CNTNAP2: variants seen among roughly 807,000 people sequenced by gnomAD.
The protein encoded by CNTNAP2 is contactin associated protein 2.
In CNTNAP2, 98 loss-of-function variants were observed where a neutral mutation model predicts 155.2. The observed-to-expected ratio is 0.63, with a 90% CI of 0.54 to 0.75. CNTNAP2 has a LOEUF of 0.75. Ranked by LOEUF, CNTNAP2 falls within the 30% of genes least tolerant of loss-of-function variation. CNTNAP2 has a pLI of 0.00. For synonymous variants in CNTNAP2, 651 were observed against 631.2 expected (o/e 1.03, Z -0.47); for missense variants, 1,727 against 1,688.1 (o/e 1.02, Z -0.40).
At chr7:148,336,017 C>T (rs1363718991) in intron 21 of CNTNAP2, among the ~76,000 whole-genome samples, 1 of 152,172 alleles carries the variant, frequency 6.6e-6, no homozygotes, top group Non-Finnish European at 1.5e-5. Context: ...TGTCTGTCTT[C>T]CTGCCCCAAT....
intron 8 of CNTNAP2, among the ~76,000 whole-genome samples, chr7:147,190,801 A>G (rs1802664556): frequency 6.6e-6 from 1 of 152,354 alleles, no homozygotes; most frequent in African/African-American, 2.4e-5. Flanking sequence ...TAGCCAGATT[A>G]AACTCACTGT....
intron 12 of CNTNAP2, among the ~76,000 whole-genome samples, chr7:147,581,052 G>A (rs1800490572): frequency 6.6e-6 from 1 of 152,166 alleles, no homozygotes; most frequent in Non-Finnish European, 1.5e-5. Context: ...CAATTCCACA[G>A]GAAGTAGGTG....
intron 8 of CNTNAP2, among the ~76,000 whole-genome samples, chr7:147,236,876 G>C (rs1197745336): frequency 6.6e-6 from 1 of 151,822 alleles, no homozygotes; most frequent in Non-Finnish European, 1.5e-5. Context: ...CTTCCACAAT[G>C]CTAAAGACTG....
intron 22 of CNTNAP2, among the ~76,000 whole-genome samples, chr7:148,392,877 A>AC (rs1415524888): frequency 6.7e-6 from 1 of 148,592 alleles, no homozygotes; most frequent in Non-Finnish European, 1.5e-5. Context: ...ACAACCCCAT[A>AC]CCCCCATTAG....
chr7:146,132,476 A>G (rs1324394312), intron 1 of CNTNAP2, among the ~76,000 whole-genome samples: 1 of 151,996 alleles, frequency 6.6e-6, no homozygotes, highest in Non-Finnish European at 1.5e-5. Flanking sequence ...CAGGTTAGTT[A>G]CATATGTATA....
intron 4 of CNTNAP2, among the ~76,000 whole-genome samples, chr7:147,102,082 T>C (rs2129277899): frequency 6.6e-6 from 1 of 152,126 alleles, no homozygotes; most frequent in African/African-American, 2.4e-5. Flanking sequence ...ACATGTGAGG[T>C]AATGGTAGGC....
chr7:147,793,548 T>C (rs1797851262), intron 13 of CNTNAP2, among the ~76,000 whole-genome samples: 1 of 152,120 alleles, frequency 6.6e-6, no homozygotes, highest in African/African-American at 2.4e-5. Context: ...TTTATGCCAA[T>C]ACCACACTGC....
chr7:148,132,778 G>A (rs1804859779), intron 16 of CNTNAP2, among the ~76,000 whole-genome samples: 2 of 152,166 alleles, frequency 1.3e-5, no homozygotes, highest in South Asian at 2.1e-4. Flanking sequence ...CCTCATTTTG[G>A]TGGGTTAGTA....
intron 19 of CNTNAP2, 48 bp downstream of exon 19, chr7:148,217,572 A>C (rs879843401): frequency 3.2e-6 from 5 of 1,562,554 alleles, no homozygotes; most frequent in Non-Finnish European, 4.4e-6. Flanking sequence ...TTGGGCAGAC[A>C]GAATGTTCTA....
At chr7:146,568,734 T>G (rs920402797) in intron 1 of CNTNAP2, among the ~76,000 whole-genome samples, 1 of 152,144 alleles carries the variant, frequency 6.6e-6, no homozygotes, top group Non-Finnish European at 1.5e-5. Context: ...AGTGTACTAC[T>G]TGGAAAAACT....
intron 10 of CNTNAP2, among the ~76,000 whole-genome samples, chr7:147,442,810 G>A (rs1305341461): frequency 1.3e-5 from 2 of 152,098 alleles, no homozygotes; most frequent in Non-Finnish European, 2.9e-5. Context: ...CTTGCAGGTA[G>A]GGCCTGGAAA....
intron 20 of CNTNAP2, among the ~76,000 whole-genome samples, chr7:148,233,561 A>T (rs538493952): frequency 8.5e-5 from 13 of 152,308 alleles, no homozygotes; most frequent in Admixed American, 2.6e-4. Context: ...TATTTTATTT[A>T]ATTCCATGGA....
Position 146,475,013 on chromosome 7 carries a change from G to GCACACA in CNTNAP2, c.98-299236_98-299231dup, listed in dbSNP as rs60787049. On this transcript the variant is annotated intron_variant, in intron 1 of 23. Transcript: ENST00000361727. ...CACGAGCGCGCACGCGCGCGCGCGC[G>GCACACA]CACACACACACACACACACACACAC... Among the ~76,000 whole-genome samples the GCACACA allele has an allele frequency of 9.6e-3, 1,381 of 144,366 alleles. 6 individuals are homozygous for GCACACA. Among genetic ancestry groups the GCACACA allele is most frequent in the East Asian group, 0.016 (80 of 4,966 alleles). The allele number at this position is 144,366 out of a possible 152,430, so 94.7% of individuals were successfully genotyped here. A position where few individuals can be genotyped will look rare whatever the true frequency, so the allele number is the denominator to read the frequency against.
At chr7:147,442,310 C>A (rs905835276) in intron 10 of CNTNAP2, among the ~76,000 whole-genome samples, 2 of 152,194 alleles carry the variant, frequency 1.3e-5, no homozygotes, top group African/African-American at 4.8e-5. Context: ...TCAGTGAATA[C>A]TTCCAGCCTA....
chr7:147,225,796 AAG>A (rs1217549949), intron 8 of CNTNAP2, among the ~76,000 whole-genome samples: 79 of 127,072 alleles, frequency 6.2e-4, no homozygotes, highest in African/African-American at 2.1e-3. Flanking sequence ...GGAAGGAAGG[AAG>A]GAAAGAAAGA....
chr7:146,646,622 A>T (rs532543441), intron 1 of CNTNAP2, among the ~76,000 whole-genome samples: 3 of 152,180 alleles, frequency 2.0e-5, no homozygotes, highest in Non-Finnish European at 4.4e-5. Flanking sequence ...GTTGGTGGAC[A>T]TATTCTCAAA....
intron 1 of CNTNAP2, among the ~76,000 whole-genome samples, chr7:146,690,120 GT>G (rs1352784791): frequency 6.6e-6 from 1 of 151,760 alleles, no homozygotes; most frequent in Non-Finnish European, 1.5e-5. Context: ...TTCTCTTCAT[GT>G]GATTCCTATC....
chr7:148,101,449 A>C (rs1224786007), intron 15 of CNTNAP2, among the ~76,000 whole-genome samples: 1 of 151,848 alleles, frequency 6.6e-6, no homozygotes, highest in African/African-American at 2.4e-5. Context: ...GTGGATTGAA[A>C]TCTGCAATAA....
At chr7:147,839,268 A>G (rs1425547937) in intron 13 of CNTNAP2, among the ~76,000 whole-genome samples, 1 of 152,202 alleles carries the variant, frequency 6.6e-6, no homozygotes, top group Non-Finnish European at 1.5e-5. Flanking sequence ...GCACCCTCAC[A>G]GACATACCCA....
Sources: allele counts gnomAD v4.1 joint callset (sites outside exome capture counted in the v4.1 genomes callset), GRCh38; gene constraint gnomAD v4.1.1; transcripts MANE v1.5; gene names NCBI Gene and HGNC (gene_info 2026-07-23, HGNC 2026-07-21).